Variants in CALM2 observed in about 807,000 individuals in gnomAD.
The protein encoded by CALM2 is calmodulin 2.
CALM2 carries 2 observed loss-of-function variants against 19.8 expected under a neutral mutation model. That is an observed-to-expected ratio of 0.10 (90% confidence interval 0.04 to 0.32). The LOEUF (loss-of-function observed/expected upper bound fraction) is 0.32. Ranked by LOEUF, CALM2 falls within the 10% of genes least tolerant of loss-of-function variation. The probability of loss-of-function intolerance (pLI) is 1.00; values close to 1 mark genes in which losing one functional copy is unlikely to be tolerated. For synonymous variants in CALM2, 51 were observed against 52.1 expected (o/e 0.98, Z 0.09); for missense variants, 38 against 178.7 (o/e 0.21, Z 4.49).
intron 1 of CALM2, among the ~76,000 whole-genome samples, chr2:47,175,086 T>TTTTTTTG (rs889961271): frequency 6.9e-5 from 9 of 130,570 alleles, no homozygotes; most frequent in Admixed American, 1.5e-4. Context: ...TAGGTGTTTT[T>TTTTTTTG]TTTTTTTTTT....
chr2:47,164,095 G>C (rs925527887), intron 2 of CALM2: 1 of 152,138 alleles, frequency 6.6e-6, no homozygotes, highest in Non-Finnish European at 1.5e-5. Context: ...AAAATTAGCC[G>C]GGCGTGGTGG....
intron 2 of CALM2, chr2:47,162,893 G>T: frequency 2.4e-6 from 1 of 417,700 alleles, no homozygotes; most frequent in Non-Finnish European, 4.3e-6. Flanking sequence ...GACTCCTAAA[G>T]ATTAACCAAT....
chr2:47,174,725 TAAAGA>T (rs1666790274), intron 1 of CALM2, among the ~76,000 whole-genome samples: 1 of 152,050 alleles, frequency 6.6e-6, no homozygotes, highest in African/African-American at 2.4e-5. Context: ...CAAAACTGAT[TAAAGA>T]AAACTTTACC....
chr2:47,176,881 C>A, upstream of CALM2: 1 of 985,416 alleles, frequency 1.0e-6, no homozygotes, highest in African/African-American at 1.7e-5. Context: ...GCAGCCGCCG[C>A]CGGGACGCGG....
upstream of CALM2, chr2:47,176,517 G>A (rs776582502): frequency 2.7e-4 from 432 of 1,597,790 alleles, 1 homozygote; most frequent in Non-Finnish European, 3.5e-4. Flanking sequence ...GGACTAATTC[G>A]CCTCCTCCGC....
chr2:47,175,082 T>TTTTTTTTG (rs1553433867), intron 1 of CALM2, among the ~76,000 whole-genome samples: 1 of 11,890 alleles, frequency 8.4e-5, no homozygotes, highest in African/African-American at 1.9e-4. Flanking sequence ...TCATTAGGTG[T>TTTTTTTTG]TTTTTTTTTT....
At chr2:47,175,878 C>G (rs1331661659) in intron 1 of CALM2, among the ~76,000 whole-genome samples, 1 of 148,428 alleles carries the variant, frequency 6.7e-6, no homozygotes, top group Non-Finnish European at 1.5e-5. Flanking sequence ...AGCGCGCCGC[C>G]CGCCCGCCCG....
chr2:47,172,777 G>A (rs1666715806), intron 1 of CALM2: 1 of 136,708 alleles, frequency 7.3e-6, no homozygotes, highest in Non-Finnish European at 1.5e-5. Flanking sequence ...TGTACAGGAA[G>A]GGAGACAGGT....
chr2:47,166,254 C>T (rs950343657), intron 2 of CALM2, among the ~76,000 whole-genome samples: 4 of 152,148 alleles, frequency 2.6e-5, no homozygotes, highest in African/African-American at 9.7e-5. Flanking sequence ...GCACCTTTCA[C>T]CTAATTTAGG....
intron 1 of CALM2, among the ~76,000 whole-genome samples, chr2:47,175,081 GTTTTTT>G (rs563702873): frequency 1.3e-5 from 1 of 77,964 alleles, no homozygotes; most frequent in Non-Finnish European, 2.0e-5. Flanking sequence ...CTCATTAGGT[GTTTTTT>G]TTTTTTTTTT....
At chr2:47,162,194 A>C (rs1035794850) in intron 4 of CALM2, 92 bp downstream of exon 4, 34 of 512,656 alleles carry the variant, frequency 6.6e-5, no homozygotes, top group Non-Finnish European at 1.0e-4. Context: ...AAAAAAAAAA[A>C]AAAAAACAAC....
intron 2 of CALM2, among the ~76,000 whole-genome samples, 170 bp downstream of exon 2, chr2:47,170,564 C>T (rs1406781333): frequency 6.6e-6 from 1 of 152,226 alleles, no homozygotes; most frequent in Admixed American, 6.5e-5. Flanking sequence ...GGCAAGTTTA[C>T]AATCCCACTT....
intron 4 of CALM2, 59 bp downstream of exon 4, chr2:47,162,227 A>G: frequency 1.4e-6 from 1 of 738,478 alleles, no homozygotes; most frequent in Admixed American, 3.0e-5. Context: ...AGTCTTCATA[A>G]TGAGTCCTGG....
Position 47,172,551 on chromosome 2 carries a change from G to C in CALM2, c.4-1787C>G, listed in dbSNP as rs191426488. On this transcript the variant is annotated intron_variant, in intron 1 of 5. Transcript: ENST00000272298. ...ACCTGACTAGCTCAATTTCCACACCGAATGTAGACATGCATGGCATTTATT... is the reference window on the plus strand; with the variant it reads ...ACCTGACTAGCTCAATTTCCACACCCAATGTAGACATGCATGGCATTTATT... 9.4e-4 allele frequency: 948 copies of C among 1,006,610 alleles called. 11 individuals carry two copies. The African/African-American group carries it at 0.014, about 15-fold the overall frequency. The allele number at this position is 1,006,610 out of a possible 1,614,324, so 62.4% of individuals were successfully genotyped here. A position where few individuals can be genotyped will look rare whatever the true frequency, so the allele number is the denominator to read the frequency against.
chr2:47,164,890 A>G (rs1666413296), intron 2 of CALM2, among the ~76,000 whole-genome samples: 1 of 152,196 alleles, frequency 6.6e-6, no homozygotes, highest in Non-Finnish European at 1.5e-5. Flanking sequence ...CAATTCGCGT[A>G]CACCTTCCAG....
chr2:47,172,507 C>A, intron 1 of CALM2: 1 of 1,216,004 alleles, frequency 8.2e-7, no homozygotes, highest in South Asian at 1.3e-5. Flanking sequence ...TAACAAAGAA[C>A]CTACAATGTT....
At chr2:47,171,192 A>G (rs1666654640) in intron 1 of CALM2, 1 of 158,400 alleles carries the variant, frequency 6.3e-6, no homozygotes, top group African/African-American at 2.4e-5. Flanking sequence ...AAAAAAAGGC[A>G]CAAACTTTTA....
At chr2:47,172,051 A>C (rs990295672) in intron 1 of CALM2, 1 of 150,864 alleles carries the variant, frequency 6.6e-6, no homozygotes, top group African/African-American at 2.4e-5. Flanking sequence ...TCAAATACAG[A>C]GTTTGTAAAA....
chr2:47,172,827 G>GGGGA (rs1666721423), intron 1 of CALM2: 2 of 30,518 alleles, frequency 6.6e-5, no homozygotes, highest in East Asian at 1.1e-3. Flanking sequence ...GGGGGGGTGG[G>GGGGA]AAATGGGACT....
Sources: gnomAD v4.1 joint callset for allele counts (sites outside exome capture counted in the v4.1 genomes callset) on GRCh38, gnomAD v4.1.1 for gene constraint, MANE v1.5 for transcripts, NCBI Gene and HGNC (gene_info 2026-07-23, HGNC 2026-07-21) for gene names.